The following GRID1 variants were observed in gnomAD, a reference collection of about 807,000 sequenced individuals.
GRID1 encodes the protein glutamate ionotropic receptor delta type subunit 1, also known as glutamate receptor ionotropic, delta-1.
In GRID1, 28 loss-of-function variants were observed where a neutral mutation model predicts 98.0. The ratio of observed to expected loss-of-function variants is 0.29; its 90% confidence interval spans 0.21 to 0.39. The LOEUF is 0.39. GRID1 is among the 10% of genes least tolerant of loss of function. The probability of loss-of-function intolerance (pLI) is 1.00; values close to 1 mark genes in which losing one functional copy is unlikely to be tolerated. For missense variants in GRID1, 1,111 were observed against 1,340.5 expected, an observed-to-expected ratio of 0.83 and a Z score of 2.67; for synonymous variants, 553 against 538.5, an observed-to-expected ratio of 1.03 and a Z score of -0.37.
chr10:85,920,059 C>T (rs1476409256), intron 4 of GRID1, among the ~76,000 whole-genome samples: 1 of 152,136 alleles, frequency 6.6e-6, no homozygotes, highest in Non-Finnish European at 1.5e-5. Context: ...CTGCCTTGCT[C>T]CCTACTGGGG....
At chr10:85,668,429 A>C (rs1193794052) in intron 12 of GRID1, among the ~76,000 whole-genome samples, 3 of 151,924 alleles carry the variant, frequency 2.0e-5, no homozygotes, top group Admixed American at 2.0e-4. Flanking sequence ...CCTATTCTTG[A>C]CTCCAAATCA....
chr10:86,196,553 G>A (rs1393985802), intron 3 of GRID1, among the ~76,000 whole-genome samples: 4 of 152,080 alleles, frequency 2.6e-5, no homozygotes, highest in African/African-American at 9.7e-5. Flanking sequence ...ATAAAGCCAG[G>A]AAGAGAACTA....
chr10:86,189,607 A>G (rs1845773462), intron 3 of GRID1, among the ~76,000 whole-genome samples: 1 of 152,142 alleles, frequency 6.6e-6, no homozygotes, highest in Non-Finnish European at 1.5e-5. Flanking sequence ...TGAACCTGCA[A>G]TAGCTCCCTA....
At chr10:85,783,997 T>C (rs1036115991) in intron 8 of GRID1, among the ~76,000 whole-genome samples, 36 of 152,154 alleles carry the variant, frequency 2.4e-4, no homozygotes, top group Admixed American at 2.4e-3. Flanking sequence ...AACAAGAGCA[T>C]GTAATGTTCA....
intron 4 of GRID1, among the ~76,000 whole-genome samples, chr10:86,018,538 T>C (rs983442876): frequency 1.3e-5 from 2 of 152,252 alleles, no homozygotes; most frequent in Non-Finnish European, 2.9e-5. Context: ...AGGTTCTTGA[T>C]TGCAGCTCCG....
intron 8 of GRID1, among the ~76,000 whole-genome samples, chr10:85,777,474 G>T (rs1025729851): frequency 2.0e-5 from 3 of 152,156 alleles, no homozygotes; most frequent in African/African-American, 7.2e-5. Context: ...AAGTAGAATG[G>T]GGTAGGACCT....
At chr10:86,068,785 A>G (rs1293531520) in intron 4 of GRID1, among the ~76,000 whole-genome samples, 2 of 152,212 alleles carry the variant, frequency 1.3e-5, no homozygotes, top group African/African-American at 4.8e-5. Context: ...CACTCCAATC[A>G]AAACAAAACC....
chr10:85,666,426 A>G lies in GRID1; in HGVS notation c.1998-19029T>C, dbSNP rs76908836. 1.6e-3 allele frequency among the ~76,000 whole-genome samples: 250 copies of G among 152,226 alleles called. 3 individuals carry two copies. The highest frequency in any genetic ancestry group is 0.016 in the East Asian group (82 of 5,156). On this transcript the variant is annotated intron_variant, in intron 12 of 15. Coordinates refer to ENST00000327946, the MANE Select transcript of GRID1 (RefSeq NM_017551.3). The stretch of plus-strand genomic sequence containing the variant: ...GGTCAGCATGTCCTTTGAAAGGGCC[A>G]TTTCTTGCTGCCATCCCTCCCACTG...
intron 4 of GRID1, among the ~76,000 whole-genome samples, chr10:86,127,070 G>C (rs898114637): frequency 2.0e-5 from 3 of 152,228 alleles, no homozygotes; most frequent in African/African-American, 7.2e-5. Context: ...GGATGGGATG[G>C]TCCCATTTGA....
intron 4 of GRID1, among the ~76,000 whole-genome samples, chr10:86,097,841 T>C (rs1844243183): frequency 6.6e-6 from 1 of 152,228 alleles, no homozygotes; most frequent in African/African-American, 2.4e-5. Context: ...TGGCTGAAGT[T>C]AATATAACTT....
At chr10:85,749,953 T>A (rs1842030780) in intron 8 of GRID1, among the ~76,000 whole-genome samples, 1 of 152,206 alleles carries the variant, frequency 6.6e-6, no homozygotes, top group African/African-American at 2.4e-5. Flanking sequence ...ACTTATTTTA[T>A]TATTTAGTTT....
At chr10:86,248,563 CTTTTTTTTTTTTTTT>C (rs200060771) in intron 2 of GRID1, among the ~76,000 whole-genome samples, 8 of 121,838 alleles carry the variant, frequency 6.6e-5, no homozygotes, top group East Asian at 3.0e-4. Flanking sequence ...CATGACAATT[CTTTTTTTTTTTTTTT>C]TTTTTTTTTT....
chr10:86,037,551 G>A (rs1451466670), intron 4 of GRID1, among the ~76,000 whole-genome samples: 1 of 152,178 alleles, frequency 6.6e-6, no homozygotes, highest in African/African-American at 2.4e-5. Context: ...CCCTTAGAAG[G>A]TTCAAGAGGT....
rs77034175 is a variant in GRID1 at position 86,353,743 on chromosome 10, C to T, written c.235+10198G>A. ...GCAAACTGCAGGACTTGGGGACGGC[C>T]CACGGGGTTGTTTTAGTTACGAGAG... is the stretch of plus-strand genomic sequence containing the variant. On this transcript the variant is annotated intron_variant, in intron 2 of 15. Coordinates refer to ENST00000327946, the MANE Select transcript of GRID1 (RefSeq NM_017551.3). 8.5e-3 allele frequency among the ~76,000 whole-genome samples: 1,290 copies of T among 152,292 alleles called. 20 individuals carry two copies. The highest frequency in any genetic ancestry group is 0.045 in the Middle Eastern group (13 of 292).
chr10:86,313,991 T>A (rs1274550334), intron 2 of GRID1, among the ~76,000 whole-genome samples: 1 of 152,228 alleles, frequency 6.6e-6, no homozygotes, highest in Non-Finnish European at 1.5e-5. Flanking sequence ...ATCTAACCAC[T>A]AACCTATCAC....
At chr10:85,643,025 A>C (rs754729071) in intron 13 of GRID1, among the ~76,000 whole-genome samples, 2 of 152,114 alleles carry the variant, frequency 1.3e-5, no homozygotes, top group Non-Finnish European at 2.9e-5. Context: ...TGATCACTCT[A>C]AACAATTCCC....
intron 5 of GRID1, among the ~76,000 whole-genome samples, chr10:85,895,518 C>T (rs1031672245): frequency 1.3e-5 from 2 of 152,128 alleles, no homozygotes; most frequent in Non-Finnish European, 2.9e-5. Context: ...CCATTATTAA[C>T]TGTCTGTCCA....
rs1355331305 is a variant in GRID1, at chr10:86,064,993, C to T, written c.726+73826G>A. 2.6e-5 allele frequency among the ~76,000 whole-genome samples: 4 copies of T among 152,170 alleles called. No individual in the cohort carries two copies. The East Asian group carries it at 5.8e-4, about 22-fold the overall frequency. ...CCAGACTGAGCAGAAAATCTAGTAACGCTCATCCCACATTACCATGTAGCA... is the reference window on the plus strand; with the variant it reads ...CCAGACTGAGCAGAAAATCTAGTAATGCTCATCCCACATTACCATGTAGCA... On this transcript the variant is annotated intron_variant, in intron 4 of 15. Transcript: ENST00000327946.
chr10:85,657,860 C>A (rs1180599514), intron 12 of GRID1, among the ~76,000 whole-genome samples: 2 of 152,150 alleles, frequency 1.3e-5, no homozygotes, highest in South Asian at 2.1e-4. Flanking sequence ...TGGGATACAG[C>A]CGTTTTCTGC....
Sources: gnomAD v4.1 joint callset for allele counts (sites outside exome capture counted in the v4.1 genomes callset) on GRCh38, gnomAD v4.1.1 for gene constraint, MANE v1.5 for transcripts, NCBI Gene and HGNC (gene_info 2026-07-23, HGNC 2026-07-21) for gene names.